Variants in TBC1D31 observed in about 807,000 individuals in gnomAD.
TBC1D31 encodes TBC1 domain family member 31.
TBC1D31 carries 99 observed loss-of-function variants against 132.9 expected under a neutral mutation model. That is an observed-to-expected ratio of 0.74 (90% CI 0.63 to 0.88). The LOEUF is 0.88. Ranked by LOEUF, TBC1D31 falls within the 40% of genes least tolerant of loss-of-function variation. The pLI is 0.00. For missense variants in TBC1D31, 1,134 were observed against 1,256.6 expected (o/e 0.90, Z 1.48); for synonymous variants, 385 against 419.4 (o/e 0.92, Z 1.00).
chr8:123,105,043 A>G (rs1817790200), intron 7 of TBC1D31, among the ~76,000 whole-genome samples: 1 of 152,160 alleles, frequency 6.6e-6, no homozygotes, highest in Non-Finnish European at 1.5e-5. Context: ...TCAAGGAATA[A>G]TTATATTTAT....
intron 16 of TBC1D31, among the ~76,000 whole-genome samples, chr8:123,131,924 G>A (rs1180350909): frequency 6.6e-6 from 1 of 152,038 alleles, no homozygotes; most frequent in Non-Finnish European, 1.5e-5. Flanking sequence ...TCTTCCATGT[G>A]TAGAATTACA....
chr8:123,105,442 C>T lies in TBC1D31; in HGVS notation c.1187C>T (p.Thr396Ile). The T allele has an allele frequency of 6.2e-7, 1 of 1,609,298 alleles. No homozygotes were observed. The highest frequency in any genetic ancestry group is 8.5e-7 in the Non-Finnish European group (1 of 1,177,944). Residue 396 changes from threonine to isoleucine, a missense_variant, in exon 8 of 22, where the codon ACT becomes ATT. By Grantham distance (89) the Thr-to-Ile change is moderately conservative. Coordinates refer to ENST00000287380, the MANE Select transcript of TBC1D31 (RefSeq NM_145647.4). ...MQTRILKQDL[T>I]GDFESKKNEL... is the part of the protein sequence containing the mutation. ...ACTAGAATATTAAAACAAGACCTGACTGGTGATTTTGAAAGTAAAAAGGTA... is the reference window on the plus strand; with the variant it reads ...ACTAGAATATTAAAACAAGACCTGATTGGTGATTTTGAAAGTAAAAAGGTA...
At chr8:123,129,762 G>A (rs150517526) in intron 15 of TBC1D31, among the ~76,000 whole-genome samples, 95 of 152,300 alleles carry the variant, frequency 6.2e-4, no homozygotes, top group African/African-American at 2.2e-3. Context: ...GTCAAGGCCA[G>A]CCTGGGCAAC....
chr8:123,157,312 G>C, the TBC1D31 span, among the ~76,000 whole-genome samples: 32 of 152,126 alleles, frequency 2.1e-4, no homozygotes, highest in African/African-American at 7.0e-4. Flanking sequence ...CACCTAGTAA[G>C]GGTTTCCGGA....
At chr8:123,163,130 G>A in the TBC1D31 span, among the ~76,000 whole-genome samples, 3 of 150,642 alleles carry the variant, frequency 2.0e-5, no homozygotes, top group African/African-American at 7.3e-5. Context: ...CGGCCCATTG[G>A]GTATATTTTT....
chr8:123,141,842 CTCTTT>C (rs1821721161), intron 18 of TBC1D31, among the ~76,000 whole-genome samples: 1 of 96,302 alleles, frequency 1.0e-5, no homozygotes, highest in Non-Finnish European at 2.0e-5. Context: ...ACTTGAAGAG[CTCTTT>C]TTTTTTTTTT....
chr8:123,078,996 A>G (rs1262908106), intron 2 of TBC1D31, among the ~76,000 whole-genome samples: 1 of 152,244 alleles, frequency 6.6e-6, no homozygotes, highest in Non-Finnish European at 1.5e-5. Flanking sequence ...TGCAGTGAAA[A>G]GAACACGGCA....
intron 4 of TBC1D31, among the ~76,000 whole-genome samples, chr8:123,090,934 C>G (rs1816254351): frequency 6.6e-6 from 1 of 151,926 alleles, no homozygotes; most frequent in African/African-American, 2.4e-5. Context: ...AGGGAAGACT[C>G]TGTCTCAAAA....
At position 123,147,856 on chromosome 8, in the gene TBC1D31, G is replaced by A. The variant is rs182781437; in HGVS notation, c.2975-2180G>A. ...AAAATGACATTTTTGAGCCCGGCGC[G>A]GTGGCTCACTCCTGTAATCCCAGCA... On this transcript the variant is annotated intron_variant, in intron 20 of 21. Coordinates refer to ENST00000287380, the MANE Select transcript of TBC1D31 (RefSeq NM_145647.4). 5.9e-5 allele frequency among the ~76,000 whole-genome samples: 9 copies of A among 152,152 alleles called. No individual in the cohort carries two copies. The South Asian group carries it at 6.2e-4, about 11-fold the overall frequency.
intron 8 of TBC1D31, among the ~76,000 whole-genome samples, chr8:123,106,581 A>G (rs566196022): frequency 4.5e-4 from 69 of 152,358 alleles, no homozygotes; most frequent in African/African-American, 1.3e-3. Context: ...GGTTTCAGGC[A>G]TCCACTGGGG....
At chr8:123,161,709 T>C in the TBC1D31 span, among the ~76,000 whole-genome samples, 10 of 152,216 alleles carry the variant, frequency 6.6e-5, no homozygotes, top group Non-Finnish European at 1.2e-4. Context: ...AAATTGAGTA[T>C]ATGACATTTA....
At chr8:123,156,206 C>A (rs936024945), downstream of TBC1D31, among the ~76,000 whole-genome samples, 1 of 152,048 alleles carries the variant, frequency 6.6e-6, no homozygotes, top group Non-Finnish European at 1.5e-5. Context: ...TTTGGGAGGC[C>A]GAGGTGGGCG....
chr8:123,126,714 G>C (rs1460894670), intron 13 of TBC1D31, 27 bp downstream of exon 13: 3 of 1,549,350 alleles, frequency 1.9e-6, no homozygotes, highest in East Asian at 4.6e-5. Flanking sequence ...TTAAGAGAAG[G>C]TTCTCAAATA....
At chr8:123,097,029 TA>T (rs1014032468) in intron 5 of TBC1D31, among the ~76,000 whole-genome samples, 1 of 151,922 alleles carries the variant, frequency 6.6e-6, no homozygotes, top group Admixed American at 6.6e-5. Flanking sequence ...GCACAGTAGG[TA>T]AAAAAAATAT....
At chr8:123,134,024 G>A (rs969525406) in intron 16 of TBC1D31, 90 bp from the exon 17 acceptor site, 7 of 933,508 alleles carry the variant, frequency 7.5e-6, no homozygotes, top group Non-Finnish European at 9.7e-6. Context: ...AATACTGTTA[G>A]TAGGTCGTTC....
intron 3 of TBC1D31, 83 bp from the exon 4 acceptor site, chr8:123,084,079 A>T: frequency 8.5e-7 from 1 of 1,177,216 alleles, no homozygotes; most frequent in Non-Finnish European, 1.2e-6. Context: ...CCATTGCATC[A>T]GTTCATCTAT....
intron 21 of TBC1D31, among the ~76,000 whole-genome samples, chr8:123,150,610 G>A (rs1425566527): frequency 6.6e-6 from 1 of 152,204 alleles, no homozygotes; most frequent in Non-Finnish European, 1.5e-5. Flanking sequence ...GGCCCCAGCA[G>A]CAGTAGAATG....
rs143481600 is a variant in TBC1D31 at position 123,098,337 on chromosome 8, T to C, written c.831+896T>C. 4.3e-3 allele frequency among the ~76,000 whole-genome samples: 650 copies of C among 152,336 alleles called. 5 individuals carry two copies. The highest frequency in any genetic ancestry group is 0.015 in the African/African-American group (614 of 41,588). ...GTTGTTTTGAGATGGAGTCTAGCTC[T>C]GTCTCCCAGGCTGGAGTGCAGTGGT... On this transcript the variant is annotated intron_variant, in intron 6 of 21. Coordinates refer to ENST00000287380, the MANE Select transcript of TBC1D31 (RefSeq NM_145647.4).
intron 7 of TBC1D31, chr8:123,103,133 G>C (rs374437639): frequency 6.6e-6 from 1 of 152,132 alleles, no homozygotes; most frequent in Admixed American, 6.5e-5. Context: ...TTCACTAATC[G>C]AGTGTTCATG....
Sources: gnomAD v4.1 joint callset for allele counts (sites outside exome capture counted in the v4.1 genomes callset) on GRCh38, gnomAD v4.1.1 for gene constraint, MANE v1.5 for transcripts, NCBI Gene and HGNC (gene_info 2026-07-23, HGNC 2026-07-21) for gene names.